Variants in NOX4 observed in about 807,000 individuals in gnomAD.
NOX4 encodes the protein kidney oxidase-1.
A neutral mutation model predicts 87.6 loss-of-function variants in NOX4; 69 were observed. That is an observed-to-expected ratio of 0.79 (90% CI 0.65 to 0.96). The LOEUF is 0.96. Ranked by LOEUF, NOX4 falls within the 40% of genes least tolerant of loss-of-function variation. The pLI is 0.00. For missense variants in NOX4, 680 were observed against 681.5 expected, an observed-to-expected ratio of 1.00 and a Z score of 0.02; for synonymous variants, 275 against 238.2, an observed-to-expected ratio of 1.15 and a Z score of -1.42.
chr11:89,499,694 T>G (rs372598854), upstream of NOX4, among the ~76,000 whole-genome samples: 17 of 152,314 alleles, frequency 1.1e-4, no homozygotes, highest in East Asian at 3.3e-3. Context: ...ATGTCTCTAA[T>G]GTTAGTGCAT....
intron 8 of NOX4, among the ~76,000 whole-genome samples, chr11:89,403,499 C>T (rs114206405): frequency 0.023 from 3,428 of 152,206 alleles, 121 homozygotes; most frequent in African/African-American, 0.079. Context: ...CTCTCAAATA[C>T]TTAATTTTAG....
chr11:89,383,296 C>A (rs1940436097), intron 11 of NOX4, among the ~76,000 whole-genome samples: 1 of 152,236 alleles, frequency 6.6e-6, no homozygotes, highest in Admixed American at 6.5e-5. Context: ...GGAATGCCTG[C>A]AGCCCAGGAT....
At chr11:89,459,094 T>C (rs190142946) in intron 2 of NOX4, among the ~76,000 whole-genome samples, 64 of 152,218 alleles carry the variant, frequency 4.2e-4, no homozygotes, top group African/African-American at 1.5e-3. Flanking sequence ...GAAAATATGG[T>C]GTATACATAT....
intron 16 of NOX4, among the ~76,000 whole-genome samples, chr11:89,336,753 T>C (rs1190896209): frequency 6.6e-6 from 1 of 152,036 alleles, no homozygotes; most frequent in Non-Finnish European, 1.5e-5. Context: ...ACTATTTACA[T>C]ACCAAGTAGG....
At chr11:89,418,822 A>G (rs1432867243) in intron 8 of NOX4, among the ~76,000 whole-genome samples, 1 of 151,996 alleles carries the variant, frequency 6.6e-6, no homozygotes, top group African/African-American at 2.4e-5. Context: ...TGATCAAGAT[A>G]TCTTTTCAGC....
At chr11:89,575,377 A>G in the NOX4 span, among the ~76,000 whole-genome samples, 1 of 152,218 alleles carries the variant, frequency 6.6e-6, no homozygotes, top group Non-Finnish European at 1.5e-5. Flanking sequence ...CTGTTTTATA[A>G]GAAACAGCCT....
intron 11 of NOX4, among the ~76,000 whole-genome samples, chr11:89,381,905 T>A (rs1940318025): frequency 6.6e-6 from 1 of 152,182 alleles, no homozygotes; most frequent in African/African-American, 2.4e-5. Flanking sequence ...CCCTTGGGTC[T>A]CTCTCTTCTC....
At chr11:89,326,926 A>C (rs1050553715) in intron 17 of NOX4, 50 bp from the exon 18 acceptor site, 2 of 1,590,824 alleles carry the variant, frequency 1.3e-6, no homozygotes, top group African/African-American at 2.7e-5. Context: ...ATTAGGCAGA[A>C]CATGACAAGA....
chr11:89,438,843 A>AT (rs1565293556), intron 6 of NOX4, among the ~76,000 whole-genome samples: 4 of 4,660 alleles, frequency 8.6e-4, no homozygotes, highest in South Asian at 4.3e-3. Flanking sequence ...TATATTATAT[A>AT]TATTATATAA....
At chr11:89,471,789 T>C (rs1945954654) in intron 2 of NOX4, among the ~76,000 whole-genome samples, 1 of 152,194 alleles carries the variant, frequency 6.6e-6, no homozygotes, top group Admixed American at 6.6e-5. Context: ...TCACCCAGAC[T>C]GGAGTGCAAT....
At chr11:89,548,823 AC>A in the NOX4 span, 1 of 152,166 alleles carries the variant, frequency 6.6e-6, no homozygotes, top group African/African-American at 2.4e-5. Context: ...CTTTCTTTGC[AC>A]CACAGACTGG....
chr11:89,401,692 A>T (rs1301050254), intron 9 of NOX4, among the ~76,000 whole-genome samples: 1 of 152,118 alleles, frequency 6.6e-6, no homozygotes, highest in African/African-American at 2.4e-5. Context: ...TTAGTCAAAG[A>T]CCTGGGTTTA....
the NOX4 span, among the ~76,000 whole-genome samples, chr11:89,561,208 G>A: frequency 2.0e-5 from 3 of 149,966 alleles, no homozygotes. Context: ...TTCCATAAAG[G>A]ATTACAATAC....
In NOX4 at chr11:89,373,465, C is replaced by G. The variant is rs774807996; in HGVS notation, c.1102G>C (p.Gly368Arg). 164 of 1,597,856 alleles carry G rather than the reference C, an allele frequency of 1.0e-4. No homozygotes were observed. The highest frequency in any genetic ancestry group is 1.4e-4 in the Non-Finnish European group (159 of 1,166,666). The change falls in exon 12 of 18, where the codon GGG (glycine) becomes CGG (arginine). Residue 368 changes from glycine to arginine, a missense_variant. Transcript: ENST00000263317. ...MCPTETKATF[G>R]VHLKIVGDWT... is the part of the protein sequence containing the mutation. ...TCTCCTACTATTTTAAGATGAACCC[C>G]AAATGTTGCTTTGGTTTCAGTTGGA...
the NOX4 span, among the ~76,000 whole-genome samples, chr11:89,540,052 A>G: frequency 1.3e-5 from 2 of 152,088 alleles, no homozygotes; most frequent in African/African-American, 2.4e-5. Flanking sequence ...AGGCACCTCA[A>G]TTGTCATTCT....
intron 2 of NOX4, among the ~76,000 whole-genome samples, chr11:89,485,591 T>A (rs1199276919): frequency 6.6e-6 from 1 of 152,020 alleles, no homozygotes; most frequent in Non-Finnish European, 1.5e-5. Context: ...TGCTCCAATA[T>A]TTCCAAAAAA....
the NOX4 span, among the ~76,000 whole-genome samples, chr11:89,585,417 A>G: frequency 6.6e-6 from 1 of 152,174 alleles, no homozygotes; most frequent in African/African-American, 2.4e-5. Context: ...CCTAGCATAT[A>G]TTAGAAGACA....
intron 8 of NOX4, among the ~76,000 whole-genome samples, chr11:89,418,869 C>A (rs1462185578): frequency 6.6e-6 from 1 of 151,842 alleles, no homozygotes; most frequent in Admixed American, 6.6e-5. Context: ...AAAAAATGAC[C>A]TTAGAAAATC....
At chr11:89,509,084 G>C in the NOX4 span, among the ~76,000 whole-genome samples, 4 of 151,754 alleles carry the variant, frequency 2.6e-5, no homozygotes, top group African/African-American at 9.7e-5. Context: ...TCATAATTCT[G>C]TTCCTCAAAA....
Sources: allele counts gnomAD v4.1 joint callset (sites outside exome capture counted in the v4.1 genomes callset), GRCh38; gene constraint gnomAD v4.1.1; transcripts MANE v1.5; gene names NCBI Gene and HGNC (gene_info 2026-07-23, HGNC 2026-07-21).